The following PLEKHA5 variants were observed in gnomAD, a reference collection of about 807,000 sequenced individuals.
PLEKHA5 encodes the protein pleckstrin homology domain containing A5.
Under a neutral mutation model 181.9 loss-of-function variants are expected in PLEKHA5, and 55 were observed. The ratio of observed to expected loss-of-function variants is 0.30; its 90% CI spans 0.24 to 0.38. The LOEUF is 0.38. Among genes scored for constraint, PLEKHA5 ranks in the 10% least tolerant of loss-of-function variants. PLEKHA5 has a pLI of 1.00. For missense variants in PLEKHA5, 1,432 were observed against 1,549.5 expected, an observed-to-expected ratio of 0.92 and a Z score of 1.27; for synonymous variants, 535 against 529.4, an observed-to-expected ratio of 1.01 and a Z score of -0.15.
At chr12:19,140,715 T>C (rs1437382027) in intron 3 of PLEKHA5, among the ~76,000 whole-genome samples, 1 of 152,208 alleles carries the variant, frequency 6.6e-6, no homozygotes, top group Admixed American at 6.5e-5. Flanking sequence ...TTTTTTCTTC[T>C]CATTTGTCAT....
chr12:19,266,158 A>G (rs1407993793), intron 8 of PLEKHA5, among the ~76,000 whole-genome samples: 6 of 152,080 alleles, frequency 3.9e-5, no homozygotes, highest in Non-Finnish European at 8.8e-5. Flanking sequence ...ACGTTTTTTC[A>G]ACGTTACTGT....
chr12:19,201,367 C>T (rs2054140713), intron 3 of PLEKHA5: 1 of 151,976 alleles, frequency 6.6e-6, no homozygotes, highest in Non-Finnish European at 1.5e-5. Flanking sequence ...TGGAGAAACT[C>T]AAACTCTGTT....
intron 14 of PLEKHA5, 116 bp downstream of exon 14, chr12:19,290,912 A>G (rs2078273621): frequency 3.5e-6 from 3 of 846,052 alleles, no homozygotes; most frequent in African/African-American, 1.7e-5. Flanking sequence ...CCATCATTAT[A>G]GTGACAACAT....
chr12:19,288,888 T>C (rs1239999985), intron 13 of PLEKHA5, among the ~76,000 whole-genome samples: 1 of 152,236 alleles, frequency 6.6e-6, no homozygotes, highest in Non-Finnish European at 1.5e-5. Flanking sequence ...TGTGCCTCTT[T>C]ATTTGGCCTC....
intron 22 of PLEKHA5, among the ~76,000 whole-genome samples, chr12:19,344,405 A>G (rs1339198273): frequency 6.6e-6 from 1 of 152,164 alleles, no homozygotes; most frequent in Non-Finnish European, 1.5e-5. Context: ...TTTTTCAATA[A>G]TTTGCTTTTT....
At chr12:19,369,426 T>C (rs11044517) in intron 30 of PLEKHA5, among the ~76,000 whole-genome samples, 102,438 of 151,724 alleles carry the variant, frequency 0.68, 36,351 homozygotes, top group Non-Finnish European at 0.79. Context: ...GGGCACATAA[T>C]CCCAACACTT....
chr12:19,174,932 TGA>T (rs2046837914), intron 3 of PLEKHA5, among the ~76,000 whole-genome samples: 1 of 152,186 alleles, frequency 6.6e-6, no homozygotes, highest in African/African-American at 2.4e-5. Context: ...TGTTTTGTAG[TGA>T]GAGAAATTTT....
intron 8 of PLEKHA5, among the ~76,000 whole-genome samples, chr12:19,268,405 C>A (rs79654970): frequency 0.012 from 1,882 of 152,208 alleles, 26 homozygotes; most frequent in African/African-American, 0.043. Flanking sequence ...TAAAAGTGAC[C>A]ATACATGTTA....
intron 8 of PLEKHA5, among the ~76,000 whole-genome samples, chr12:19,267,192 G>A (rs2152684177): frequency 6.6e-6 from 1 of 152,230 alleles, no homozygotes; most frequent in Middle Eastern, 3.4e-3. Flanking sequence ...TTAGAGTAAG[G>A]AACTATAAGG....
intron 29 of PLEKHA5, among the ~76,000 whole-genome samples, chr12:19,362,647 C>T (rs1565666812): frequency 6.6e-6 from 1 of 152,084 alleles, no homozygotes; most frequent in Non-Finnish European, 1.5e-5. Flanking sequence ...GTAGTTCCAG[C>T]TACTCAGGAA....
intron 25 of PLEKHA5, among the ~76,000 whole-genome samples, chr12:19,349,907 TGGAGACCATC>T (rs1212949019): frequency 6.6e-6 from 1 of 151,902 alleles, no homozygotes; most frequent in African/African-American, 2.4e-5. Flanking sequence ...GGTCAGGAGG[TGGAGACCATC>T]CTGGCTAACA....
intron 3 of PLEKHA5, among the ~76,000 whole-genome samples, chr12:19,159,956 G>A: frequency 6.6e-6 from 1 of 152,062 alleles, no homozygotes; most frequent in East Asian, 1.9e-4. Flanking sequence ...GGGTCCTTCA[G>A]ATGACAATTT....
chr12:19,354,095 T>A, intron 26 of PLEKHA5, 93 bp downstream of exon 26: 1 of 509,154 alleles, frequency 2.0e-6, no homozygotes, highest in Non-Finnish European at 3.6e-6. Flanking sequence ...ATCAAAATTA[T>A]TTTTGCATAC....
chr12:19,283,648 G>A lies in PLEKHA5; in HGVS notation c.1682G>A (p.Gly561Glu), dbSNP rs1338069776. The change falls in exon 12 of 32, where the codon GGA (glycine) becomes GAA (glutamate). Residue 561 changes from glycine to glutamate, a missense_variant. Physicochemically the swap from Gly to Glu is moderately conservative, Grantham distance 98. Transcript: ENST00000429027. Reference protein sequence around the residue: ...PSHGSIAAYQGYSPQRTYRSE... With the variant: ...PSHGSIAAYQEYSPQRTYRSE... ...CACGGGTCAATAGCTGCTTATCAGG[G>A]ATACTCCCCTCAACGAACTTACAGA... 2 of 1,614,044 alleles carry A rather than the reference G, an allele frequency of 1.2e-6. No individual in the cohort carries two copies. Among genetic ancestry groups the A allele is most frequent in the Non-Finnish European group, 1.7e-6 (2 of 1,179,962 alleles).
rs184914257 is a variant in PLEKHA5 at position 19,331,749 on chromosome 12, C to G, written c.2449-4766C>G. On this transcript the variant is annotated intron_variant, in intron 20 of 31. Coordinates refer to ENST00000429027, the MANE Select transcript of PLEKHA5 (RefSeq NM_001256470.2). ...TTTTTAAAAAAAATCTTGGCCGGGC[C>G]TGCTGGCTCCTATGTGTAATCCCAG... Among the ~76,000 whole-genome samples the G allele has an allele frequency of 1.6e-3, 241 of 152,240 alleles. 3 individuals are homozygous for G. Among genetic ancestry groups the G allele is most frequent in the Admixed American group, 0.016 (237 of 15,268 alleles).
At chr12:19,301,990 C>T (rs1168493429) in intron 15 of PLEKHA5, among the ~76,000 whole-genome samples, 2 of 152,162 alleles carry the variant, frequency 1.3e-5, no homozygotes, top group Non-Finnish European at 2.9e-5. Context: ...CCCCTGCATT[C>T]CCTAAAGCCT....
chr12:19,173,947 A>G (rs998749977), intron 3 of PLEKHA5, among the ~76,000 whole-genome samples: 1 of 152,196 alleles, frequency 6.6e-6, no homozygotes, highest in African/African-American at 2.4e-5. Flanking sequence ...TACTGTTGCT[A>G]TAGAAATGAT....
At position 19,129,829 on chromosome 12, in the gene PLEKHA5, C is replaced by G; in HGVS notation, c.30C>G (p.Ile10Met). 1 of 1,604,876 alleles carries G rather than the reference C, an allele frequency of 6.2e-7. No homozygotes were observed. Among genetic ancestry groups the G allele is most frequent in the Non-Finnish European group, 8.5e-7 (1 of 1,176,154 alleles). MAADLNLEWISLPRSWTYGI... is the reference protein window; with the variant it reads MAADLNLEWMSLPRSWTYGI... The stretch of plus-strand genomic sequence containing the variant: ...CGGCGGATCTGAACCTGGAGTGGAT[C>G]TCCCTGCCCCGGTCCTGGACTTACG... The change falls in exon 1 of 32, where the codon ATC (isoleucine) becomes ATG (methionine). Residue 10 changes from isoleucine to methionine, a missense_variant. Physicochemically the swap from Ile to Met is conservative, Grantham distance 10. Around this residue, in one of 2 missense-constraint regions of PLEKHA5, gnomAD observed 289 missense variants for 381.1 expected, o/e 0.76. Coordinates refer to ENST00000429027, the MANE Select transcript of PLEKHA5 (RefSeq NM_001256470.2).
intron 3 of PLEKHA5, among the ~76,000 whole-genome samples, chr12:19,187,375 G>C (rs866209198): frequency 6.6e-6 from 1 of 152,148 alleles, no homozygotes; most frequent in Non-Finnish European, 1.5e-5. Flanking sequence ...AAGTGACTTA[G>C]CTGGGTGGTT....
Sources: gnomAD v4.1 joint callset for allele counts (sites outside exome capture counted in the v4.1 genomes callset) on GRCh38, gnomAD v4.1.1 for gene constraint, gnomAD v4.1.1 regional missense constraint, MANE v1.5 for transcripts, NCBI Gene and HGNC (gene_info 2026-07-23, HGNC 2026-07-21) for gene names.